TMEM132D: variants seen among roughly 807,000 people sequenced by gnomAD.
TMEM132D encodes transmembrane protein 132D.
Under a neutral mutation model 62.3 loss-of-function variants are expected in TMEM132D, and 21 were observed. That is an observed-to-expected ratio of 0.34 (90% CI 0.24 to 0.49). The LOEUF (loss-of-function observed/expected upper bound fraction) is 0.49, where lower values mean the gene tolerates loss of function less well. Ranked by LOEUF, TMEM132D falls within the 20% of genes least tolerant of loss-of-function variation. The probability of loss-of-function intolerance (pLI) is 0.99; values close to 1 mark genes in which losing one functional copy is unlikely to be tolerated. For synonymous variants in TMEM132D, 621 were observed against 575.6 expected, an observed-to-expected ratio of 1.08 and a Z score of -1.13; for missense variants, 1,346 against 1,402.8, an observed-to-expected ratio of 0.96 and a Z score of 0.65.
chr12:129,858,996 G>A (rs1207977383), intron 1 of TMEM132D, among the ~76,000 whole-genome samples: 1 of 125,682 alleles, frequency 8.0e-6, no homozygotes, highest in Non-Finnish European at 1.7e-5. Context: ...CTTGGAGTCC[G>A]GGGGAACGGG....
intron 2 of TMEM132D, among the ~76,000 whole-genome samples, chr12:129,677,196 G>A (rs1055926080): frequency 6.6e-6 from 1 of 152,152 alleles, no homozygotes; most frequent in Non-Finnish European, 1.5e-5. Flanking sequence ...GGAACCTGGT[G>A]GGAGGTGAAT....
At chr12:129,311,831 A>G (rs867503426) in intron 4 of TMEM132D, among the ~76,000 whole-genome samples, 25 of 152,262 alleles carry the variant, frequency 1.6e-4, no homozygotes, top group African/African-American at 6.0e-4. Flanking sequence ...TTGTTCCAGG[A>G]ATACCGAAGG....
At chr12:129,157,895 A>G (rs902958206) in intron 5 of TMEM132D, among the ~76,000 whole-genome samples, 1 of 152,156 alleles carries the variant, frequency 6.6e-6, no homozygotes, top group African/African-American at 2.4e-5. Flanking sequence ...TGAAGGCCCA[A>G]TTAGGGGAGT....
intron 2 of TMEM132D, among the ~76,000 whole-genome samples, chr12:129,676,278 T>C (rs1880628832): frequency 6.6e-6 from 1 of 152,246 alleles, no homozygotes; most frequent in Admixed American, 6.5e-5. Context: ...TGTCAGTCTG[T>C]CTGTCTACCT....
At chr12:129,366,716 G>T (rs1393265162) in intron 3 of TMEM132D, among the ~76,000 whole-genome samples, 2 of 152,190 alleles carry the variant, frequency 1.3e-5, no homozygotes, top group African/African-American at 4.8e-5. Flanking sequence ...TGTGAAAGGA[G>T]CCACAAGTAT....
At chr12:129,662,826 A>G (rs113806128) in intron 2 of TMEM132D, among the ~76,000 whole-genome samples, 2 of 107,392 alleles carry the variant, frequency 1.9e-5, no homozygotes, top group South Asian at 3.1e-4. Flanking sequence ...GAGAGAGAGA[A>G]AGAAATATGA....
intron 2 of TMEM132D, among the ~76,000 whole-genome samples, chr12:129,623,953 G>A (rs545595837): frequency 2.5e-4 from 38 of 152,066 alleles, no homozygotes; most frequent in African/African-American, 8.2e-4. Flanking sequence ...CTGGACAGTC[G>A]AGAAACTCAC....
At chr12:129,513,686 C>T (rs371218928) in intron 3 of TMEM132D, among the ~76,000 whole-genome samples, 2 of 150,566 alleles carry the variant, frequency 1.3e-5, no homozygotes, top group Non-Finnish European at 3.0e-5. Flanking sequence ...GGGGTTTCAC[C>T]GTGTCAGCCA....
At chr12:129,763,005 T>C (rs575710556) in intron 1 of TMEM132D, among the ~76,000 whole-genome samples, 7 of 152,286 alleles carry the variant, frequency 4.6e-5, no homozygotes, top group Admixed American at 1.3e-4. Flanking sequence ...TTCTAATATT[T>C]GCATGTAAAA....
chr12:129,736,697 C>T (rs1869436739), intron 1 of TMEM132D, among the ~76,000 whole-genome samples: 1 of 152,006 alleles, frequency 6.6e-6, no homozygotes, highest in Non-Finnish European at 1.5e-5. Context: ...TTGTTCATTG[C>T]CTCCCATAAA....
At chr12:129,297,471 T>G (rs1566025221) in intron 4 of TMEM132D, among the ~76,000 whole-genome samples, 1 of 152,126 alleles carries the variant, frequency 6.6e-6, no homozygotes, top group East Asian at 1.9e-4. Context: ...AGAAAGCAGG[T>G]CTGCAGAAGG....
chr12:129,686,064 T>C (rs1880907888), intron 2 of TMEM132D, among the ~76,000 whole-genome samples: 1 of 152,192 alleles, frequency 6.6e-6, no homozygotes, highest in Non-Finnish European at 1.5e-5. Flanking sequence ...TTGCCTTTTC[T>C]CAGATGAAAC....
chr12:129,544,632 C>T (rs1353164134), intron 2 of TMEM132D, among the ~76,000 whole-genome samples: 1 of 151,960 alleles, frequency 6.6e-6, no homozygotes, highest in Non-Finnish European at 1.5e-5. Flanking sequence ...CAGGAATATC[C>T]TAATACCACA....
chr12:129,593,605 T>C (rs1878253399), intron 2 of TMEM132D, among the ~76,000 whole-genome samples: 1 of 152,228 alleles, frequency 6.6e-6, no homozygotes, highest in Admixed American at 6.5e-5. Flanking sequence ...CCTGAAATAT[T>C]GCACTTTTGG....
chr12:129,812,059 C>G (rs954876098), intron 1 of TMEM132D, among the ~76,000 whole-genome samples: 2 of 151,868 alleles, frequency 1.3e-5, no homozygotes, highest in Non-Finnish European at 2.9e-5. Context: ...CTGTTCCAAG[C>G]TGCTACCTTG....
chr12:129,274,564 T>C (rs1330530702), intron 4 of TMEM132D, among the ~76,000 whole-genome samples: 2 of 152,184 alleles, frequency 1.3e-5, no homozygotes, highest in Admixed American at 6.5e-5. Flanking sequence ...AAGAAGATGC[T>C]CTGGAATTGT....
Position 129,209,528 on chromosome 12 carries a change from C to A in TMEM132D, c.1435G>T (p.Val479Leu), listed in dbSNP as rs756867549. Residue 479 changes from valine (V) to leucine (L), a missense_variant, in exon 5 of 9, where the codon GTG becomes TTG. Val to Leu is a conservative substitution (Grantham distance 32). Coordinates refer to ENST00000422113, the MANE Select transcript of TMEM132D (RefSeq NM_133448.3). ...SVECRSSDED[V>L]IKVSDRCDYV... ...GGGAGGTGTCAACTTGCCTTAATCA[C>A]GTCTTCATCAGACGATCTACACTCC... 8 of 1,598,104 alleles carry A rather than the reference C, an allele frequency of 5.0e-6. No homozygotes were observed. The highest frequency in any genetic ancestry group is 1.1e-5 in the South Asian group (1 of 90,408).
At chr12:129,358,372 A>G (rs1055018867) in intron 3 of TMEM132D, among the ~76,000 whole-genome samples, 1 of 152,164 alleles carries the variant, frequency 6.6e-6, no homozygotes, top group African/African-American at 2.4e-5. Context: ...AAAGAAGATG[A>G]AGATCAGGTG....
At chr12:129,214,662 A>T (rs1879153081) in intron 4 of TMEM132D, among the ~76,000 whole-genome samples, 1 of 152,226 alleles carries the variant, frequency 6.6e-6, no homozygotes, top group Non-Finnish European at 1.5e-5. Context: ...AAACAAACAA[A>T]AACTCAAAAG....
Sources: allele counts gnomAD v4.1 joint callset (sites outside exome capture counted in the v4.1 genomes callset), GRCh38; gene constraint gnomAD v4.1.1; transcripts MANE v1.5; gene names NCBI Gene and HGNC (gene_info 2026-07-23, HGNC 2026-07-21).